CNBD1: variants seen among roughly 807,000 people sequenced by gnomAD.
CNBD1 encodes the protein cyclic nucleotide binding domain containing 1, also known as cyclic nucleotide-binding domain-containing protein 1.
A neutral mutation model predicts 54.4 loss-of-function variants in CNBD1; 71 were observed. The observed-to-expected ratio is 1.30, with a 90% CI of 1.08 to 1.59. The LOEUF is 1.59. Ranked by LOEUF, CNBD1 falls within the 40% of genes most tolerant of loss-of-function variation. The pLI, the probability that CNBD1 is intolerant of heterozygous loss-of-function variation, is 0.00. For missense variants in CNBD1, 659 were observed against 518.0 expected (o/e 1.27, Z -2.64); for synonymous variants, 182 against 170.7 (o/e 1.07, Z -0.51).
chr8:87,332,164 A>G (rs990274104), intron 8 of CNBD1, among the ~76,000 whole-genome samples: 6 of 152,140 alleles, frequency 3.9e-5, no homozygotes, highest in African/African-American at 7.2e-5. Flanking sequence ...CCTGGCCAAC[A>G]TGGGGAAACC....
At chr8:87,088,781 A>T (rs1811150633) in intron 4 of CNBD1, among the ~76,000 whole-genome samples, 1 of 152,150 alleles carries the variant, frequency 6.6e-6, no homozygotes, top group African/African-American at 2.4e-5. Context: ...ATCAAAATAC[A>T]GAATGTGATA....
intron 7 of CNBD1, among the ~76,000 whole-genome samples, 164 bp from the exon 8 acceptor site, chr8:87,286,375 T>A (rs1444914674): frequency 6.6e-6 from 1 of 152,166 alleles, no homozygotes; most frequent in African/African-American, 2.4e-5. Context: ...TTTTAATATG[T>A]CTATGTGGCC....
In CNBD1 at chr8:87,066,171, T is replaced by A. The variant is rs575513859; in HGVS notation, c.431+126417T>A. Reference sequence around the variant, plus strand: ...GTCAGAATGCCAGTGTATCAATGTATAATTTAAAAAATTAAGCTATCCTGA... The same window carrying A: ...GTCAGAATGCCAGTGTATCAATGTAAAATTTAAAAAATTAAGCTATCCTGA... On this transcript the variant is annotated intron_variant, in intron 4 of 10. Coordinates refer to ENST00000518476, the MANE Select transcript of CNBD1 (RefSeq NM_173538.3). Among the ~76,000 whole-genome samples, 9 of 152,124 alleles carry A rather than the reference T, an allele frequency of 5.9e-5. No individual in the cohort carries two copies. In the South Asian group the frequency reaches 1.9e-3, roughly 32 times the overall value.
intron 4 of CNBD1, among the ~76,000 whole-genome samples, chr8:87,000,000 A>G (rs1008957095): frequency 6.6e-6 from 1 of 152,066 alleles, no homozygotes; most frequent in African/African-American, 2.4e-5. Context: ...TTTTCCTAGG[A>G]AAAGGTCATG....
intron 5 of CNBD1, among the ~76,000 whole-genome samples, chr8:87,222,336 T>G (rs920791432): frequency 6.6e-6 from 1 of 151,560 alleles, no homozygotes; most frequent in African/African-American, 2.4e-5. Flanking sequence ...CCTAAAATTA[T>G]CTAGGCTGTG....
At chr8:87,248,440 G>T (rs1807849514) in intron 6 of CNBD1, among the ~76,000 whole-genome samples, 1 of 152,204 alleles carries the variant, frequency 6.6e-6, no homozygotes. Flanking sequence ...TGCTGTCAGT[G>T]CAGACACATT....
At chr8:87,104,097 A>G (rs1811485001) in intron 4 of CNBD1, among the ~76,000 whole-genome samples, 1 of 151,866 alleles carries the variant, frequency 6.6e-6, no homozygotes, top group South Asian at 2.1e-4. Flanking sequence ...AATGAAAAAG[A>G]CACAGTGGGA....
chr8:86,986,225 G>T (rs1317794335), intron 4 of CNBD1, among the ~76,000 whole-genome samples: 1 of 152,088 alleles, frequency 6.6e-6, no homozygotes, highest in African/African-American at 2.4e-5. Flanking sequence ...ACCATGCCCA[G>T]CCCTCACTGT....
intron 3 of CNBD1, among the ~76,000 whole-genome samples, chr8:86,926,508 T>C (rs1809363729): frequency 1.3e-5 from 2 of 152,298 alleles, no homozygotes; most frequent in South Asian, 4.1e-4. Context: ...AAGATGGCTG[T>C]CATGGGACCT....
chr8:87,298,467 G>C (rs987007945), intron 8 of CNBD1, among the ~76,000 whole-genome samples: 1 of 149,704 alleles, frequency 6.7e-6, no homozygotes, highest in African/African-American at 2.5e-5. Context: ...CTTCAAATGT[G>C]CCTTGGTTTC....
chr8:87,022,541 C>T (rs1747996634), intron 4 of CNBD1, among the ~76,000 whole-genome samples: 1 of 152,126 alleles, frequency 6.6e-6, no homozygotes, highest in African/African-American at 2.4e-5. Flanking sequence ...AATGAAAATA[C>T]TGGAAGCTTT....
At chr8:87,247,770 T>C (rs1807836492) in intron 6 of CNBD1, among the ~76,000 whole-genome samples, 1 of 152,178 alleles carries the variant, frequency 6.6e-6, no homozygotes, top group African/African-American at 2.4e-5. Context: ...CGTGAACAGA[T>C]GTGAGTTAAG....
chr8:87,276,862 CA>C (rs1188885872), intron 6 of CNBD1, among the ~76,000 whole-genome samples: 1 of 151,658 alleles, frequency 6.6e-6, no homozygotes, highest in Non-Finnish European at 1.5e-5. Flanking sequence ...ATAGAACTTA[CA>C]GGAACCTTAG....
At chr8:87,148,712 G>T (rs2130746092) in intron 4 of CNBD1, among the ~76,000 whole-genome samples, 1 of 152,236 alleles carries the variant, frequency 6.6e-6, no homozygotes, top group East Asian at 1.9e-4. Flanking sequence ...GATGAAGAGG[G>T]ATCTGGATCC....
intron 4 of CNBD1, among the ~76,000 whole-genome samples, chr8:87,088,484 A>G (rs925016713): frequency 7.2e-5 from 11 of 152,216 alleles, no homozygotes; most frequent in African/African-American, 2.4e-4. Flanking sequence ...TTTCATAGAT[A>G]TTACTCTTTT....
intron 10 of CNBD1, among the ~76,000 whole-genome samples, chr8:87,359,931 T>C (rs944636310): frequency 2.0e-5 from 3 of 152,042 alleles, no homozygotes; most frequent in Non-Finnish European, 4.4e-5. Flanking sequence ...TATTAGTTGG[T>C]TATGTTGCCT....
At chr8:87,209,159 C>A (rs1268039158) in intron 5 of CNBD1, among the ~76,000 whole-genome samples, 1 of 151,676 alleles carries the variant, frequency 6.6e-6, no homozygotes, top group African/African-American at 2.4e-5. Context: ...CAAGAGAAAC[C>A]CAGGAAAGGA....
Position 87,380,703 on chromosome 8 carries a change from G to T in CNBD1, c.1304-1917G>T, listed in dbSNP as rs574568529. Among the ~76,000 whole-genome samples the T allele has an allele frequency of 4.3e-3, 648 of 151,994 alleles. 7 individuals carry two copies. The highest frequency in any genetic ancestry group is 0.015 in the African/African-American group (619 of 41,520). On this transcript the variant is annotated intron_variant, in intron 10 of 10. Transcript: ENST00000518476. ...CTTTAATTTCTTTAATTGGTGTTTT[G>T]TAGTTTTCAGTAAACAAGTCTTTTA...
At chr8:87,100,686 G>A (rs1441445173) in intron 4 of CNBD1, among the ~76,000 whole-genome samples, 4 of 152,106 alleles carry the variant, frequency 2.6e-5, no homozygotes, top group Non-Finnish European at 5.9e-5. Flanking sequence ...ATCTCTTGAT[G>A]CTGGTCTTGA....
Sources: gnomAD v4.1 joint callset for allele counts (sites outside exome capture counted in the v4.1 genomes callset) on GRCh38, gnomAD v4.1.1 for gene constraint, MANE v1.5 for transcripts, NCBI Gene and HGNC (gene_info 2026-07-23, HGNC 2026-07-21) for gene names.